C2orf76: variants seen among roughly 807,000 people sequenced by gnomAD.
C2orf76 encodes UPF0538 protein C2orf76.
A neutral mutation model predicts 16.9 loss-of-function variants in C2orf76; 23 were observed. The observed-to-expected ratio is 1.36, with a 90% CI of 0.98 to 1.93. The LOEUF (loss-of-function observed/expected upper bound fraction) is 1.93. C2orf76 is among the 30% of genes most tolerant of loss of function. The probability of loss-of-function intolerance (pLI) is 0.00; values close to 1 mark genes in which losing one functional copy is unlikely to be tolerated. For synonymous variants in C2orf76, 48 were observed against 52.3 expected, an observed-to-expected ratio of 0.92 and a Z score of 0.35; for missense variants, 152 against 152.6, an observed-to-expected ratio of 1.00 and a Z score of 0.02.
intron 5 of C2orf76, chr2:119,311,329 G>A (rs770830511): frequency 1.0e-6 from 1 of 985,418 alleles, no homozygotes; most frequent in South Asian, 4.7e-5. Flanking sequence ...AGAGTAAGTA[G>A]ACGTGGTACT....
At chr2:119,330,771 AT>A (rs1169705713) in intron 2 of C2orf76, among the ~76,000 whole-genome samples, 4 of 148,648 alleles carry the variant, frequency 2.7e-5, no homozygotes, top group Non-Finnish European at 5.9e-5. Context: ...TTCATTTTAG[AT>A]TGTTTTGTTG....
At chr2:119,337,203 T>C (rs1199187435) in intron 2 of C2orf76, among the ~76,000 whole-genome samples, 1 of 151,300 alleles carries the variant, frequency 6.6e-6, no homozygotes, top group Non-Finnish European at 1.5e-5. Context: ...TACAGATGTA[T>C]GCCACCATGC....
chr2:119,296,986 A>G, the C2orf76 span, among the ~76,000 whole-genome samples: 2 of 152,218 alleles, frequency 1.3e-5, no homozygotes, highest in African/African-American at 4.8e-5. Flanking sequence ...ATCAGATCTT[A>G]GGCCTTGGAC....
At chr2:119,328,364 G>A (rs912848260) in intron 2 of C2orf76, among the ~76,000 whole-genome samples, 1 of 151,632 alleles carries the variant, frequency 6.6e-6, no homozygotes, top group Non-Finnish European at 1.5e-5. Context: ...GAAGCAATTT[G>A]TCCTCTTTAT....
intron 2 of C2orf76, among the ~76,000 whole-genome samples, chr2:119,334,018 CCGAG>C (rs1472870203): frequency 2.0e-5 from 3 of 151,870 alleles, no homozygotes; most frequent in African/African-American, 7.3e-5. Flanking sequence ...GGCTCAAACT[CCGAG>C]GCTCAAGTGA....
chr2:119,298,935 A>T (rs1678575966), downstream of C2orf76, among the ~76,000 whole-genome samples: 1 of 152,172 alleles, frequency 6.6e-6, no homozygotes, highest in African/African-American at 2.4e-5. Context: ...AATAGTGTTC[A>T]TTCTTGTCTA....
intron 4 of C2orf76, among the ~76,000 whole-genome samples, chr2:119,316,578 A>G (rs1333848315): frequency 6.6e-6 from 1 of 152,238 alleles, no homozygotes; most frequent in Non-Finnish European, 1.5e-5. Flanking sequence ...GATCTGTGAT[A>G]CGCATTTATC....
chr2:119,309,398 CTTTTTTTTTTTTTT>C (rs1193022536), intron 5 of C2orf76, among the ~76,000 whole-genome samples: 1 of 71,358 alleles, frequency 1.4e-5, no homozygotes, highest in Admixed American at 1.8e-4. Flanking sequence ...TTCTCTTTTT[CTTTTTTTTTTTTTT>C]TTTTTTTTTT....
chr2:119,283,619 C>G, the C2orf76 span, among the ~76,000 whole-genome samples: 1 of 152,038 alleles, frequency 6.6e-6, no homozygotes. Flanking sequence ...AGATTACAGG[C>G]GCCCACCACC....
downstream of C2orf76, among the ~76,000 whole-genome samples, chr2:119,298,011 G>A (rs1397189785): frequency 2.0e-5 from 3 of 151,994 alleles, no homozygotes; most frequent in Non-Finnish European, 4.4e-5. Flanking sequence ...GTCTCACTAT[G>A]TTGCCCAGGC....
At chr2:119,306,344 C>T (rs968111986) in intron 5 of C2orf76, among the ~76,000 whole-genome samples, 5 of 152,242 alleles carry the variant, frequency 3.3e-5, no homozygotes, top group Admixed American at 2.0e-4. Context: ...GAGGCGTGAA[C>T]GACAGGGTTC....
At chr2:119,314,242 C>T (rs962821032) in intron 4 of C2orf76, among the ~76,000 whole-genome samples, 1 of 151,854 alleles carries the variant, frequency 6.6e-6, no homozygotes, top group East Asian at 1.9e-4. Context: ...TTCAAATATA[C>T]AATAGATACA....
At chr2:119,318,065 C>T (rs1223121875) in intron 3 of C2orf76, among the ~76,000 whole-genome samples, 1 of 152,090 alleles carries the variant, frequency 6.6e-6, no homozygotes, top group Non-Finnish European at 1.5e-5. Flanking sequence ...ACTGCACAGG[C>T]TCACACCATT....
At chr2:119,287,969 G>C in the C2orf76 span, among the ~76,000 whole-genome samples, 1 of 152,084 alleles carries the variant, frequency 6.6e-6, no homozygotes, top group African/African-American at 2.4e-5. Flanking sequence ...AGCAGTAGTG[G>C]CTGATGACAG....
At chr2:119,331,277 G>C (rs1337924546) in intron 2 of C2orf76, among the ~76,000 whole-genome samples, 1 of 152,116 alleles carries the variant, frequency 6.6e-6, no homozygotes, top group African/African-American at 2.4e-5. Flanking sequence ...AGCTAATTTT[G>C]CTCTACTACT....
intron 1 of C2orf76, among the ~76,000 whole-genome samples, chr2:119,346,054 C>CAAAAAAAAAAAA (rs56669262): frequency 1.4e-5 from 1 of 73,536 alleles, no homozygotes; most frequent in Admixed American, 1.7e-4. Flanking sequence ...GACGCCATCT[C>CAAAAAAAAAAAA]AAAAAAAAAA....
chr2:119,321,486 A>G (rs1679340700), intron 2 of C2orf76, among the ~76,000 whole-genome samples: 1 of 152,210 alleles, frequency 6.6e-6, no homozygotes, highest in Admixed American at 6.5e-5. Flanking sequence ...GCAAAGGCAC[A>G]TCTAACATGG....
chr2:119,293,675 T>TG, the C2orf76 span, among the ~76,000 whole-genome samples: 1 of 152,034 alleles, frequency 6.6e-6, no homozygotes, highest in Non-Finnish European at 1.5e-5. Context: ...TTGGACCCAG[T>TG]GGTAGCAGTG....
chr2:119,309,444 T>A (rs1334452761), intron 5 of C2orf76, among the ~76,000 whole-genome samples: 2 of 141,060 alleles, frequency 1.4e-5, no homozygotes, highest in Non-Finnish European at 3.0e-5. Context: ...TCTCACTCTG[T>A]TGCCCAGGCT....
Sources: gnomAD v4.1 joint callset for allele counts (sites outside exome capture counted in the v4.1 genomes callset) on GRCh38, gnomAD v4.1.1 for gene constraint, MANE v1.5 for transcripts, NCBI Gene and HGNC (gene_info 2026-07-23, HGNC 2026-07-21) for gene names.